Variants in CASR observed in about 807,000 individuals in gnomAD.
CASR encodes extracellular calcium-sensing receptor.
In CASR, 23 loss-of-function variants were observed where a neutral mutation model predicts 69.1. That is an observed-to-expected ratio of 0.33 (90% confidence interval 0.24 to 0.47). The LOEUF (loss-of-function observed/expected upper bound fraction) is 0.47, where lower values mean the gene tolerates loss of function less well. CASR is among the 20% of genes least tolerant of loss of function. The pLI is 1.00. For synonymous variants in CASR, 541 were observed against 544.7 expected (o/e 0.99, Z 0.10); for missense variants, 924 against 1,356.1 (o/e 0.68, Z 5.00).
In CASR at chr3:122,261,749, C is replaced by T; in HGVS notation, c.714C>T (p.Asp238=). ...CTGAGGAAAGGGATATCTGCATCGA[C>T]TTCAGTGAACTCATCTCCCAGTACT... The part of the protein sequence containing the change: ...EEAEERDICI[D]FSELISQYSD... The change falls in exon 4 of 7, where the codon GAC becomes GAT. Residue 238 remains aspartate, a synonymous_variant. Coordinates refer to ENST00000639785, the MANE Select transcript of CASR (RefSeq NM_000388.4). 6.2e-7 allele frequency: 1 copy of T among 1,614,220 alleles called. No homozygotes were observed. Among genetic ancestry groups the T allele is most frequent in the Non-Finnish European group, 8.5e-7 (1 of 1,180,020 alleles).
intron 1 of CASR, among the ~76,000 whole-genome samples, chr3:122,210,839 G>A (rs12490055): frequency 0.72 from 110,250 of 152,084 alleles, 40,200 homozygotes; most frequent in Admixed American, 0.82. Flanking sequence ...TTCAAACTGT[G>A]CTACAAGTCT....
intron 1 of CASR, among the ~76,000 whole-genome samples, chr3:122,184,989 T>A (rs7638059): frequency 0.17 from 26,142 of 152,010 alleles, 2,337 homozygotes; most frequent in African/African-American, 0.2. Flanking sequence ...TGGTCCAAGC[T>A]ACCAGCTGTC....
chr3:122,200,432 A>G lies in CASR; in HGVS notation c.-243+16620A>G, dbSNP rs749226511. On this transcript the variant is annotated intron_variant, in intron 1 of 6. Transcript: ENST00000639785. ...TATACCAGAAACAGCTGTTTCTGGTATATTAAACAATATATTGTTTAATGT... is the reference window on the plus strand; with the variant it reads ...TATACCAGAAACAGCTGTTTCTGGTGTATTAAACAATATATTGTTTAATGT... 9.0e-4 allele frequency among the ~76,000 whole-genome samples: 137 copies of G among 152,346 alleles called. 3 individuals are homozygous for G. The highest frequency in any genetic ancestry group is 2.2e-4 in the Non-Finnish European group (15 of 68,030).
intron 1 of CASR, among the ~76,000 whole-genome samples, chr3:122,252,223 T>C (rs9815813): frequency 0.85 from 128,349 of 150,378 alleles, 55,179 homozygotes; most frequent in Admixed American, 0.89. Context: ...TGCTTGAGTC[T>C]GGGAGGTTGA....
chr3:122,185,804 G>A (rs2073773626), intron 1 of CASR, among the ~76,000 whole-genome samples: 1 of 152,152 alleles, frequency 6.6e-6, no homozygotes, highest in Non-Finnish European at 1.5e-5. Flanking sequence ...GGGGCTGAGG[G>A]ACAAAGCTTT....
At chr3:122,212,699 T>A (rs2074080836) in intron 1 of CASR, among the ~76,000 whole-genome samples, 1 of 151,684 alleles carries the variant, frequency 6.6e-6, no homozygotes, top group Non-Finnish European at 1.5e-5. Context: ...TGAAGTGTAA[T>A]GGCGCGATCT....
At chr3:122,207,462 T>C (rs977815415) in intron 1 of CASR, among the ~76,000 whole-genome samples, 4 of 152,152 alleles carry the variant, frequency 2.6e-5, no homozygotes, top group East Asian at 1.9e-4. Flanking sequence ...ATAGAAATTA[T>C]ATCAAGTATC....
chr3:122,240,528 A>G lies in CASR; in HGVS notation c.-242-13420A>G, dbSNP rs185412145. Among the ~76,000 whole-genome samples, 27 of 152,338 alleles carry G rather than the reference A, an allele frequency of 1.8e-4. No individual in the cohort carries two copies. In the South Asian group the frequency reaches 5.4e-3, roughly 30 times the overall value. ...ATGCAGCCAACACTGGAGCACCCAG[A>G]TATACAAATCAAATATTATTAGAGC... On this transcript the variant is annotated intron_variant, in intron 1 of 6. Coordinates refer to ENST00000639785, the MANE Select transcript of CASR (RefSeq NM_000388.4).
In CASR at chr3:122,252,409, A is replaced by AAAAGAAAGAAAGAG. The variant is rs2074500611; in HGVS notation, c.-242-1526_-242-1525insGAAAGAAAGAAAGA. ...AAGGAAGGAAGGAAGGAAGGAAGGA[A>AAAAGAAAGAAAGAG]AAAGAAAGAAAGAAAGAAAGAAAGA... On this transcript the variant is annotated intron_variant, in intron 1 of 6. Coordinates refer to ENST00000639785, the MANE Select transcript of CASR (RefSeq NM_000388.4). Among the ~76,000 whole-genome samples the AAAAGAAAGAAAGAG allele has an allele frequency of 3.1e-4, 2 of 6,474 alleles. 1 individual carries two copies. Among genetic ancestry groups the AAAAGAAAGAAAGAG allele is most frequent in the Non-Finnish European group, 7.5e-4 (2 of 2,650 alleles). 4.2% of individuals were successfully genotyped at this position (6,474 alleles called of 152,430 possible).
intron 1 of CASR, among the ~76,000 whole-genome samples, chr3:122,215,181 G>A (rs534935112): frequency 5.3e-5 from 8 of 152,376 alleles, no homozygotes; most frequent in African/African-American, 1.9e-4. Flanking sequence ...TAAGGGCACA[G>A]CTGGACAGCT....
rs892809123 is a variant in CASR, at chr3:122,257,369, G to C, written c.474G>C (p.Gly158=). The C allele has an allele frequency of 6.2e-7, 1 of 1,613,824 alleles. No homozygotes were observed. Reference sequence around the variant, plus strand: ...CCACGGCAGTGGCAAATCTGCTGGGGCTCTTCTACATTCCCCAGGTACTCA... The same window carrying C: ...CCACGGCAGTGGCAAATCTGCTGGGCCTCTTCTACATTCCCCAGGTACTCA... ...GVSTAVANLL[G]LFYIPQVSYA... Residue 158 remains glycine (G), a synonymous_variant, in exon 3 of 7, where the codon GGG becomes GGC. Coordinates refer to ENST00000639785, the MANE Select transcript of CASR (RefSeq NM_000388.4).
At chr3:122,242,722 T>A (rs2107615669) in intron 1 of CASR, among the ~76,000 whole-genome samples, 1 of 152,248 alleles carries the variant, frequency 6.6e-6, no homozygotes, top group South Asian at 2.1e-4. Flanking sequence ...GCCAAAGCTA[T>A]GCTTAGCAAA....
At chr3:122,277,871 T>C (rs1218286225) in intron 5 of CASR, among the ~76,000 whole-genome samples, 2 of 152,236 alleles carry the variant, frequency 1.3e-5, no homozygotes, top group African/African-American at 4.8e-5. Flanking sequence ...TAAACATTGA[T>C]AGATGAATAA....
At position 122,217,686 on chromosome 3, in the gene CASR, T is replaced by G. The variant is rs577355021; in HGVS notation, c.-243+33874T>G. Among the ~76,000 whole-genome samples, 45 of 152,300 alleles carry G rather than the reference T, an allele frequency of 3.0e-4. No individual in the cohort carries two copies. The Middle Eastern group carries it at 0.02, about 69-fold the overall frequency. On this transcript the variant is annotated intron_variant, in intron 1 of 6. Coordinates refer to ENST00000639785, the MANE Select transcript of CASR (RefSeq NM_000388.4). ...CTGGAAGGTTTCTCAGAAGTTCTCA[T>G]GCTGCACAAAAAGGGAAGAAGGACT...
chr3:122,259,571 CG>C (rs991583561), intron 3 of CASR, among the ~76,000 whole-genome samples: 1 of 137,616 alleles, frequency 7.3e-6, no homozygotes, highest in African/African-American at 2.5e-5. Flanking sequence ...TACAGACCAA[CG>C]CCTTTTATGT....
chr3:122,202,971 T>A (rs2073972798), intron 1 of CASR, among the ~76,000 whole-genome samples: 1 of 152,234 alleles, frequency 6.6e-6, no homozygotes, highest in South Asian at 2.1e-4. Context: ...CGGGTATGCA[T>A]GAGTCTGCTT....
chr3:122,240,095 T>A (rs1168582175), intron 1 of CASR, among the ~76,000 whole-genome samples: 6 of 152,128 alleles, frequency 3.9e-5, no homozygotes, highest in Non-Finnish European at 8.8e-5. Context: ...CATTTACTAA[T>A]CAAACTCCTG....
At chr3:122,237,484 T>C (rs1216488716) in intron 1 of CASR, among the ~76,000 whole-genome samples, 1 of 152,092 alleles carries the variant, frequency 6.6e-6, no homozygotes, top group African/African-American at 2.4e-5. Flanking sequence ...TGCCATACTA[T>C]TGAAAAAGTC....
intron 1 of CASR, among the ~76,000 whole-genome samples, chr3:122,251,495 C>T (rs1031222494): frequency 1.4e-4 from 21 of 152,208 alleles, no homozygotes; most frequent in African/African-American, 5.1e-4. Context: ...AGCTCTTTTC[C>T]TCATTCACCC....
Sources: allele counts gnomAD v4.1 joint callset (sites outside exome capture counted in the v4.1 genomes callset), GRCh38; gene constraint gnomAD v4.1.1; transcripts MANE v1.5; gene names NCBI Gene and HGNC (gene_info 2026-07-23, HGNC 2026-07-21).